Variants in COL6A2 observed in about 807,000 individuals in gnomAD.
The protein encoded by COL6A2 is collagen alpha-2(VI) chain.
In COL6A2, 90 loss-of-function variants were observed where a neutral mutation model predicts 124.9. The observed-to-expected ratio is 0.72, with a 90% CI of 0.61 to 0.86. The LOEUF is 0.86. COL6A2 is among the 40% of genes least tolerant of loss of function. COL6A2 has a pLI of 0.00. For missense variants in COL6A2, 1,607 were observed against 1,502.5 expected, an observed-to-expected ratio of 1.07 and a Z score of -1.15; for synonymous variants, 793 against 618.2, an observed-to-expected ratio of 1.28 and a Z score of -4.19.
At position 46,112,092 on chromosome 21, in the gene COL6A2, T is replaced by C. The variant is rs199736749; in HGVS notation, c.229T>C (p.Phe77Leu). The C allele has an allele frequency of 3.8e-5, 61 of 1,613,036 alleles. No homozygotes were observed. Among genetic ancestry groups the C allele is most frequent in the Non-Finnish European group, 4.7e-5 (56 of 1,180,016 alleles). Residue 77 changes from phenylalanine to leucine, a missense_variant, in exon 3 of 28, where the codon TTC (phenylalanine) becomes CTC (leucine). Around this residue, in one of 3 missense-constraint regions of COL6A2, gnomAD observed 342 missense variants for 381.5 expected, o/e 0.90. Transcript: ENST00000300527. ...LFHMKQFVPQ[F>L]ISQLQNEFYL... ...CCACATGAAGCAGTTCGTGCCGCAG[T>C]TCATCAGCCAGCTGCAGAACGAGTT...
chr21:46,117,275 C>T lies in COL6A2; in HGVS notation c.1000-125C>T, dbSNP rs927815222. 6.2e-6 allele frequency: 6 copies of T among 965,120 alleles called. No homozygotes were observed. In the African/African-American group the frequency reaches 9.7e-5, roughly 16 times the overall value. The allele number at this position is 965,120 out of a possible 1,614,324, so 59.8% of individuals were successfully genotyped here. A position where few individuals can be genotyped will look rare whatever the true frequency, so the allele number is the denominator to read the frequency against. On this transcript the variant is annotated intron_variant, in intron 10 of 27. Coordinates refer to ENST00000300527, the MANE Select transcript of COL6A2 (RefSeq NM_001849.4). ...AGCAGCCGTGGCCTCATGTGGGCACCCGTGTGCCAGGAGGAGAGCGCTGCA... is the reference window on the plus strand; with the variant it reads ...AGCAGCCGTGGCCTCATGTGGGCACTCGTGTGCCAGGAGGAGAGCGCTGCA...
intron 5 of COL6A2, among the ~76,000 whole-genome samples, chr21:46,114,566 T>TA (rs1421603444): frequency 6.6e-6 from 1 of 152,202 alleles, no homozygotes; most frequent in Non-Finnish European, 1.5e-5. Flanking sequence ...CAGAAGCTTG[T>TA]AAAAAATGAG....
At position 46,116,794 on chromosome 21, in the gene COL6A2, A is replaced by G. The variant is rs749521099; in HGVS notation, c.979A>G (p.Asn327Asp). 9 of 1,612,800 alleles carry G rather than the reference A, an allele frequency of 5.6e-6. No homozygotes were observed. The East Asian group carries it at 1.8e-4, about 32-fold the overall frequency. ...GGGGGCCCCTGGCCTGGCTGGCAAGAACGGGACCGATGGACAGAAGGTAGA... is the reference window on the plus strand; with the variant it reads ...GGGGGCCCCTGGCCTGGCTGGCAAGGACGGGACCGATGGACAGAAGGTAGA... ...RKGAPGLAGK[N>D]GTDGQKGKLG... The change falls in exon 10 of 28, where the codon AAC (asparagine) becomes GAC (aspartate). Residue 327 changes from asparagine to aspartate, a missense_variant. By Grantham distance (23) the Asn-to-Asp change is conservative (BLOSUM62 1). Around this residue, in one of 3 missense-constraint regions of COL6A2, gnomAD observed 1,223 missense variants for 1,052.2 expected, o/e 1.16. Coordinates refer to ENST00000300527, the MANE Select transcript of COL6A2 (RefSeq NM_001849.4). The surrounding 1 kb of genome is among the most constrained non-coding windows in gnomAD (Gnocchi z 4.6).
In COL6A2 at chr21:46,110,776, C is replaced by CG. The variant is rs138728139; in HGVS notation, c.-27-674_-27-673insG. On this transcript the variant is annotated intron_variant, in intron 1 of 27. Coordinates refer to ENST00000300527, the MANE Select transcript of COL6A2 (RefSeq NM_001849.4). ...TGCCAGCCCCACTCTGCGGAGCCAGCAGCACAGTGAGGCCCGTCCTGATGG... is the reference window on the plus strand; with the variant it reads ...TGCCAGCCCCACTCTGCGGAGCCAGCGAGCACAGTGAGGCCCGTCCTGATGG... Among the ~76,000 whole-genome samples the CG allele has an allele frequency of 5.7e-3, 241 of 42,572 alleles. 1 individual carries two copies. Among genetic ancestry groups the CG allele is most frequent in the African/African-American group, 0.012 (208 of 17,856 alleles). 27.9% of individuals were successfully genotyped at this position (42,572 alleles called of 152,430 possible).
chr21:46,123,736 G>A (rs1038124256), intron 21 of COL6A2, among the ~76,000 whole-genome samples: 21 of 149,212 alleles, frequency 1.4e-4, no homozygotes, highest in African/African-American at 5.2e-4. Flanking sequence ...TGTGTGGTTA[G>A]ATGATGGATG....
chr21:46,114,146 G>C, intron 5 of COL6A2, 73 bp downstream of exon 5: 1 of 1,336,720 alleles, frequency 7.5e-7, no homozygotes, highest in Admixed American at 1.7e-5. Context: ...TCCACACTTG[G>C]CCGGGCGTGG....
In COL6A2 at chr21:46,126,516, G is replaced by A. The variant is rs372745282; in HGVS notation, c.2436G>A (p.Val812=). 1.5e-5 allele frequency: 24 copies of A among 1,612,838 alleles called. No individual in the cohort carries two copies. Among genetic ancestry groups the A allele is most frequent in the African/African-American group, 4.0e-5 (3 of 74,880 alleles). Residue 812 remains valine (V), a synonymous_variant, in exon 27 of 28, where the codon GTG becomes GTA. Transcript: ENST00000300527. ...CCTCTCTTCCAGACCCTCAGATCGT[G>A]TGCCCAGACCTTCCCTGCCAAACAG... ...EDVLCPDPQI[V]CPDLPCQTEL...
chr21:46,113,571 C>CT (rs1227975213), intron 4 of COL6A2: 8 of 219,012 alleles, frequency 3.7e-5, no homozygotes, highest in Non-Finnish European at 9.2e-6. Context: ...ACTTGGGAGG[C>CT]TGAGGTGGGA....
chr21:46,131,065 C>G (rs2078754171), intron 27 of COL6A2, among the ~76,000 whole-genome samples: 1 of 152,186 alleles, frequency 6.6e-6, no homozygotes, highest in African/African-American at 2.4e-5. Flanking sequence ...TCCTGGGGGT[C>G]CATGTACCAG....
chr21:46,132,318 G>C lies in COL6A2; in HGVS notation c.2826G>C (p.Leu942=), dbSNP rs768497480. Residue 942 remains leucine, a synonymous_variant, in exon 28 of 28, where the codon CTG becomes CTC. Transcript: ENST00000300527. ...GCGGGGCCCGGAGGCACGCAGAGCT[G>C]TCCTTCGTGTTCCTCACGGACGGCG... ...PRGGARRHAE[L]SFVFLTDGVT... 1.4e-5 allele frequency: 23 copies of C among 1,607,232 alleles called. No individual in the cohort carries two copies. The South Asian group carries it at 2.5e-4, about 18-fold the overall frequency.
Position 46,131,973 on chromosome 21 carries a change from C to G in COL6A2, c.2481C>G (p.Cys827Trp). The G allele has an allele frequency of 6.2e-7, 1 of 1,607,214 alleles. No individual in the cohort carries two copies. Among genetic ancestry groups the G allele is most frequent in the Non-Finnish European group, 8.5e-7 (1 of 1,178,352 alleles). ...CCACAGAGCTGTCCGTGGCACAGTG[C>G]ACGCAGCGGCCCGTGGACATCGTCT... ...PCQTELSVAQ[C>W]TQRPVDIVFL... Residue 827 changes from cysteine (C) to tryptophan (W), a missense_variant, in exon 28 of 28, where the codon TGC becomes TGG. Physicochemically the swap from Cys to Trp is radical, Grantham distance 215 (BLOSUM62 -2). Around this residue, in one of 3 missense-constraint regions of COL6A2, gnomAD observed 1,223 missense variants for 1,052.2 expected, o/e 1.16. Coordinates refer to ENST00000300527, the MANE Select transcript of COL6A2 (RefSeq NM_001849.4).
chr21:46,120,437 G>C, intron 15 of COL6A2, 78 bp from the exon 16 acceptor site: 1 of 1,227,754 alleles, frequency 8.1e-7, no homozygotes, highest in South Asian at 1.3e-5. Flanking sequence ...CCAACCCCCG[G>C]CCACACCCGC....
rs968226962 is a variant in COL6A2, at chr21:46,124,874, T to C, written c.1735-11T>C. On this transcript the variant is annotated splice_polypyrimidine_tract_variant and intron_variant, in intron 22 of 27. Coordinates refer to ENST00000300527, the MANE Select transcript of COL6A2 (RefSeq NM_001849.4). Reference sequence around the variant, plus strand: ...GGCCCCAGAGTCTCAGCCTCATCCTTCCTTCCCCAGGGTGAGCCCGGCCCC... The same window carrying C: ...GGCCCCAGAGTCTCAGCCTCATCCTCCCTTCCCCAGGGTGAGCCCGGCCCC... 1 of 1,612,846 alleles carries C rather than the reference T, an allele frequency of 6.2e-7. No individual in the cohort carries two copies. Among genetic ancestry groups the C allele is most frequent in the Admixed American group, 1.7e-5 (1 of 60,024 alleles).
chr21:46,127,560 G>A (rs112153300), intron 27 of COL6A2, among the ~76,000 whole-genome samples: 12,890 of 152,200 alleles, frequency 0.085, 522 homozygotes, highest in Admixed American at 0.091. Context: ...AGGTGCAGGC[G>A]TCCTCCCCCA....
At chr21:46,115,840 C>G (rs2078461434) in intron 5 of COL6A2, 32 bp from the exon 6 acceptor site, 1 of 1,610,520 alleles carries the variant, frequency 6.2e-7, no homozygotes, top group African/African-American at 1.3e-5. Context: ...CCACCCTACC[C>G]TGCCTCGATG....
At chr21:46,122,068 G>A (rs543899926) in intron 18 of COL6A2, 40 bp from the exon 19 acceptor site, 35 of 1,602,354 alleles carry the variant, frequency 2.2e-5, no homozygotes, top group East Asian at 6.7e-5. Flanking sequence ...GCCCCACCCC[G>A]TCCTATGACC....
Position 46,132,168 on chromosome 21 carries a change from C to A in COL6A2, c.2676C>A (p.Phe892Leu). 4 of 1,569,968 alleles carry A rather than the reference C, an allele frequency of 2.5e-6. No homozygotes were observed. The highest frequency in any genetic ancestry group is 3.5e-6 in the Non-Finnish European group (4 of 1,159,092). ...GCCCCGGCGAGCAGCAGGTGGCCTTCCCGCTGAGCCACAACCTCACGGCCA... is the reference window on the plus strand; with the variant it reads ...GCCCCGGCGAGCAGCAGGTGGCCTTACCGCTGAGCCACAACCTCACGGCCA... ...FGGPGEQQVA[F>L]PLSHNLTAIH... The change falls in exon 28 of 28, where the codon TTC becomes TTA. Residue 892 changes from phenylalanine (F) to leucine (L), a missense_variant. Around this residue, in one of 3 missense-constraint regions of COL6A2, gnomAD observed 1,223 missense variants for 1,052.2 expected, o/e 1.16. Transcript: ENST00000300527.
rs1361996102 is a variant in COL6A2 at position 46,112,280 on chromosome 21, C to T, written c.417C>T (p.Ala139=). The change falls in exon 3 of 28, where the codon GCC becomes GCT. Residue 139 remains alanine (A), a synonymous_variant. Coordinates refer to ENST00000300527, the MANE Select transcript of COL6A2 (RefSeq NM_001849.4). ...GCACCTTCACCGACTGCGCGCTGGCCAACATGACGGAGCAGATCCGGCAGG... is the reference window on the plus strand; with the variant it reads ...GCACCTTCACCGACTGCGCGCTGGCTAACATGACGGAGCAGATCCGGCAGG... ...RRGTFTDCAL[A]NMTEQIRQDR... is the part of the protein sequence containing the mutation. 1.9e-6 allele frequency: 3 copies of T among 1,612,552 alleles called. No homozygotes were observed. Among genetic ancestry groups the T allele is most frequent in the East Asian group, 2.2e-5 (1 of 44,860 alleles).
chr21:46,117,060 C>T (rs181885298), intron 10 of COL6A2, among the ~76,000 whole-genome samples: 3 of 152,336 alleles, frequency 2.0e-5, no homozygotes, highest in East Asian at 3.9e-4. Flanking sequence ...CACAGCTGCA[C>T]ACAGAGGCCA....
Sources: allele counts gnomAD v4.1 joint callset (sites outside exome capture counted in the v4.1 genomes callset), GRCh38; gene constraint gnomAD v4.1.1; regional missense constraint gnomAD v4.1.1; non-coding constraint Gnocchi (gnomAD v3.1); transcripts MANE v1.5; gene names NCBI Gene and HGNC (gene_info 2026-07-23, HGNC 2026-07-21).